The following PDZD8 variants were observed in gnomAD, a reference collection of about 807,000 sequenced individuals.
PDZD8 encodes the protein PDZ domain containing 8.
PDZD8 carries 14 observed loss-of-function variants against 85.8 expected under a neutral mutation model. That is an observed-to-expected ratio of 0.16 (90% CI 0.11 to 0.26). The LOEUF (loss-of-function observed/expected upper bound fraction) is 0.26. Ranked by LOEUF, PDZD8 falls within the 10% of genes least tolerant of loss-of-function variation. The pLI, the probability that PDZD8 is intolerant of heterozygous loss-of-function variation, is 1.00. For synonymous variants in PDZD8, 592 were observed against 568.6 expected, an observed-to-expected ratio of 1.04 and a Z score of -0.59; for missense variants, 1,197 against 1,424.3, an observed-to-expected ratio of 0.84 and a Z score of 2.57.
chr10:117,285,047 A>C lies in PDZD8; in HGVS notation c.1686T>G (p.Asn562Lys). The C allele has an allele frequency of 6.2e-7, 1 of 1,613,826 alleles. No individual in the cohort carries two copies. Among genetic ancestry groups the C allele is most frequent in the Non-Finnish European group, 8.5e-7 (1 of 1,179,870 alleles). ...CAGAAGTTTTTAGGGGTGGAGGTTT[A>C]TTTCCATCTTTGGACTGAATTTTCG... is the stretch of plus-strand genomic sequence containing the variant. Reference protein sequence around the residue: ...LPPKIQSKDGNKPPPLKTSEI... With the variant: ...LPPKIQSKDGKKPPPLKTSEI... Residue 562 changes from asparagine to lysine, a missense_variant, in exon 5 of 5, where the codon AAT becomes AAG. Around this residue, in one of 4 missense-constraint regions of PDZD8, gnomAD observed 263 missense variants for 261.9 expected, o/e 1.00. Transcript: ENST00000334464.
At chr10:117,291,810 TAAC>T (rs1255484832) in intron 3 of PDZD8, among the ~76,000 whole-genome samples, 2 of 151,322 alleles carry the variant, frequency 1.3e-5, no homozygotes, top group African/African-American at 4.9e-5. Flanking sequence ...ATCTGTGAAT[TAAC>T]AACAACATCA....
intron 1 of PDZD8, 141 bp from the exon 2 acceptor site, chr10:117,341,243 A>G: frequency 2.4e-6 from 2 of 841,502 alleles, no homozygotes; most frequent in Non-Finnish European, 3.5e-6. Context: ...AGCTTACCAC[A>G]CTCCCCCATA....
At chr10:117,361,857 C>G (rs1407804382) in intron 1 of PDZD8, among the ~76,000 whole-genome samples, 1 of 152,088 alleles carries the variant, frequency 6.6e-6, no homozygotes, top group Non-Finnish European at 1.5e-5. Context: ...ATTTATATAG[C>G]ATTTACATTG....
intron 2 of PDZD8, among the ~76,000 whole-genome samples, chr10:117,337,063 T>C (rs1468273416): frequency 6.6e-6 from 1 of 151,384 alleles, no homozygotes; most frequent in African/African-American, 2.4e-5. Context: ...CACTCCAGCC[T>C]GGGCCACAGA....
intron 4 of PDZD8, among the ~76,000 whole-genome samples, chr10:117,289,495 G>C (rs1198454115): frequency 6.6e-6 from 1 of 152,208 alleles, no homozygotes; most frequent in East Asian, 1.9e-4. Context: ...GGTTGAAAAG[G>C]CTTGGACTTT....
chr10:117,328,427 T>C (rs1282370988), intron 2 of PDZD8, among the ~76,000 whole-genome samples: 2 of 151,972 alleles, frequency 1.3e-5, no homozygotes, highest in Admixed American at 1.3e-4. Flanking sequence ...ATTATTTTTT[T>C]TGGAGACAGG....
At chr10:117,342,049 A>G (rs1485942236) in intron 1 of PDZD8, among the ~76,000 whole-genome samples, 1 of 152,170 alleles carries the variant, frequency 6.6e-6, no homozygotes, top group African/African-American at 2.4e-5. Context: ...AGTTTGTTCA[A>G]TTTTACAAAG....
chr10:117,323,395 G>T (rs1409644010), intron 2 of PDZD8, among the ~76,000 whole-genome samples: 2 of 152,124 alleles, frequency 1.3e-5, no homozygotes, highest in East Asian at 3.8e-4. Flanking sequence ...TGAATATTCA[G>T]TCTACTACCG....
chr10:117,285,028 T>A lies in PDZD8; in HGVS notation c.1705A>T (p.Thr569Ser), dbSNP rs1844636652. 1 of 1,613,844 alleles carries A rather than the reference T, an allele frequency of 6.2e-7. No homozygotes were observed. Among genetic ancestry groups the A allele is most frequent in the East Asian group, 2.2e-5 (1 of 44,872 alleles). Residue 569 changes from threonine to serine, a missense_variant, in exon 5 of 5, where the codon ACT becomes TCT. Physicochemically the swap from Thr to Ser is moderately conservative, Grantham distance 58. Coordinates refer to ENST00000334464, the MANE Select transcript of PDZD8 (RefSeq NM_173791.5). The stretch of plus-strand genomic sequence containing the variant: ...TGTGCTGGGTCTGTTATCTCAGAAG[T>A]TTTTAGGGGTGGAGGTTTATTTCCA... ...KDGNKPPPLK[T>S]SEITDPAQVS...
At chr10:117,360,035 A>T (rs1023263615) in intron 1 of PDZD8, among the ~76,000 whole-genome samples, 1 of 152,218 alleles carries the variant, frequency 6.6e-6, no homozygotes, top group Non-Finnish European at 1.5e-5. Context: ...TCTACCTAAT[A>T]TAAAATGCTC....
At chr10:117,321,267 A>AT (rs1326059358) in intron 2 of PDZD8, among the ~76,000 whole-genome samples, 1 of 152,196 alleles carries the variant, frequency 6.6e-6, no homozygotes, top group Admixed American at 6.6e-5. Flanking sequence ...GATGAGTGGG[A>AT]TAAATAAAAT....
intron 1 of PDZD8, among the ~76,000 whole-genome samples, chr10:117,341,889 G>A (rs1334215962): frequency 6.6e-6 from 1 of 152,114 alleles, no homozygotes; most frequent in East Asian, 1.9e-4. Context: ...ACACAGCAGA[G>A]ATATTCATTA....
chr10:117,324,410 G>C (rs1232217379), intron 2 of PDZD8, among the ~76,000 whole-genome samples: 8 of 151,928 alleles, frequency 5.3e-5, no homozygotes, highest in Admixed American at 5.3e-4. Flanking sequence ...ATGTTACAAT[G>C]CCATAGCAAT....
intron 1 of PDZD8, among the ~76,000 whole-genome samples, chr10:117,344,589 G>A (rs915991691): frequency 4.6e-5 from 7 of 151,986 alleles, no homozygotes; most frequent in East Asian, 1.9e-4. Flanking sequence ...GGGTTTCACC[G>A]TGTTAGCCAG....
At chr10:117,319,433 A>ACACACACACACACACT (rs1403355327) in intron 2 of PDZD8, among the ~76,000 whole-genome samples, 2 of 22,966 alleles carry the variant, frequency 8.7e-5, no homozygotes, top group African/African-American at 1.2e-4. Flanking sequence ...ACACACACAC[A>ACACACACACACACACT]CTCTTCATCT....
intron 3 of PDZD8, among the ~76,000 whole-genome samples, chr10:117,301,890 A>C (rs991927664): frequency 4.0e-5 from 6 of 151,344 alleles, no homozygotes; most frequent in African/African-American, 1.5e-4. Context: ...CCTCCCCCGG[A>C]CAGCCCCCAC....
At position 117,371,047 on chromosome 10, in the gene PDZD8, C is replaced by G. The variant is rs187537402; in HGVS notation, c.872+3309G>C. 8.4e-3 allele frequency among the ~76,000 whole-genome samples: 1,281 copies of G among 152,122 alleles called. 65 individuals carry two copies. Among genetic ancestry groups the G allele is most frequent in the Admixed American group, 0.078 (1,194 of 15,272 alleles). On this transcript the variant is annotated intron_variant, in intron 1 of 4. Coordinates refer to ENST00000334464, the MANE Select transcript of PDZD8 (RefSeq NM_173791.5). ...ATTTAACTACTCCGAGCTCCATTTC[C>G]TCATCTGTAAAAAAAGATGAACACT...
chr10:117,283,637 C>T lies in PDZD8; in HGVS notation c.3096G>A (p.Arg1032=). The change falls in exon 5 of 5, where the codon AGG becomes AGA. Residue 1032 remains arginine (R), a synonymous_variant. Transcript: ENST00000334464. ...CCAACATGAACTCTAGTTTCTGGAT[C>T]CTTTCCTCTGTAGGCAAGCCCCTGT... The part of the protein sequence containing the change: ...DLYRGLPTEE[R]IQKLEFMLDK... The T allele has an allele frequency of 1.2e-6, 2 of 1,614,200 alleles. No individual in the cohort carries two copies. Among genetic ancestry groups the T allele is most frequent in the East Asian group, 2.2e-5 (1 of 44,882 alleles).
In PDZD8 at chr10:117,374,268, A is replaced by T; in HGVS notation, c.872+88T>A. ...CCCAGAAGCAGGCGCCAGGACAGAA[A>T]TGAGCCTTTGCCCTTCCCAATCCAC... On this transcript the variant is annotated intron_variant, in intron 1 of 4. Coordinates refer to ENST00000334464, the MANE Select transcript of PDZD8 (RefSeq NM_173791.5). This position sits in a 1 kb window ranked among gnomAD's most constrained non-coding sequence, Gnocchi z 7.8. 6.4e-7 allele frequency: 1 copy of T among 1,551,652 alleles called. No individual in the cohort carries two copies.
Sources: gnomAD v4.1 joint callset for allele counts (sites outside exome capture counted in the v4.1 genomes callset) on GRCh38, gnomAD v4.1.1 for gene constraint, gnomAD v4.1.1 regional missense constraint, Gnocchi (gnomAD v3.1) non-coding constraint, MANE v1.5 for transcripts, NCBI Gene and HGNC (gene_info 2026-07-23, HGNC 2026-07-21) for gene names.